Variants in EYS observed in about 807,000 individuals in gnomAD.
EYS encodes EGF-like photoreceptor maintenance factor, also known as protein eyes shut homolog.
EYS carries 250 observed loss-of-function variants against 282.1 expected under a neutral mutation model. That is an observed-to-expected ratio of 0.89 (90% CI 0.80 to 0.98). The LOEUF (loss-of-function observed/expected upper bound fraction) is 0.98. Among genes scored for constraint, EYS ranks in the 50% least tolerant of loss-of-function variants. EYS has a pLI of 0.00. For missense variants in EYS, 4,016 were observed against 3,709.0 expected, an observed-to-expected ratio of 1.08 and a Z score of -2.15; for synonymous variants, 1,355 against 1,282.9, an observed-to-expected ratio of 1.06 and a Z score of -1.20.
intron 22 of EYS, among the ~76,000 whole-genome samples, chr6:64,693,632 T>G (rs1262608656): frequency 6.6e-6 from 1 of 151,980 alleles, no homozygotes; most frequent in Non-Finnish European, 1.5e-5. Flanking sequence ...ATAGGTAAAA[T>G]TGAATTCAAA....
At chr6:63,963,965 G>A (rs556260745) in intron 35 of EYS, among the ~76,000 whole-genome samples, 2 of 152,194 alleles carry the variant, frequency 1.3e-5, no homozygotes, top group African/African-American at 2.4e-5. Context: ...GTAGGTGGCA[G>A]TAAGTTATTA....
At chr6:64,090,160 C>T (rs896890455) in intron 31 of EYS, among the ~76,000 whole-genome samples, 1 of 152,094 alleles carries the variant, frequency 6.6e-6, no homozygotes. Flanking sequence ...ATCAATATTT[C>T]TCATTGTACT....
chr6:65,264,796 A>T (rs1767707871), intron 12 of EYS, among the ~76,000 whole-genome samples: 1 of 151,876 alleles, frequency 6.6e-6, no homozygotes, highest in Non-Finnish European at 1.5e-5. Flanking sequence ...ATTACTAAAT[A>T]TAAAAAAATT....
intron 12 of EYS, among the ~76,000 whole-genome samples, chr6:65,268,975 C>A (rs1473827859): frequency 6.6e-6 from 1 of 151,838 alleles, no homozygotes; most frequent in African/African-American, 2.4e-5. Flanking sequence ...ACCTTAATTT[C>A]TCATATTACA....
intron 19 of EYS, among the ~76,000 whole-genome samples, chr6:64,843,344 C>T (rs796789477): frequency 1.2e-4 from 18 of 152,246 alleles, no homozygotes; most frequent in African/African-American, 3.6e-4. Context: ...ACAGCTTGCA[C>T]AGTAGACCTG....
chr6:64,642,047 T>G (rs543913436), intron 22 of EYS, among the ~76,000 whole-genome samples: 179 of 152,224 alleles, frequency 1.2e-3, no homozygotes, highest in African/African-American at 4.2e-3. Context: ...AAAAGAACAA[T>G]GTAGTTAGAC....
At chr6:64,823,296 T>C (rs1265683675) in intron 19 of EYS, among the ~76,000 whole-genome samples, 1 of 151,842 alleles carries the variant, frequency 6.6e-6, no homozygotes, top group Non-Finnish European at 1.5e-5. Context: ...ACCTGGGATT[T>C]TCAAAGGCCA....
At chr6:65,285,104 T>C (rs1204003980) in intron 12 of EYS, among the ~76,000 whole-genome samples, 1 of 152,034 alleles carries the variant, frequency 6.6e-6, no homozygotes, top group Non-Finnish European at 1.5e-5. Context: ...AAAGTGATTG[T>C]TGATACGTGG....
intron 31 of EYS, among the ~76,000 whole-genome samples, chr6:64,193,046 T>A (rs1765165649): frequency 6.6e-6 from 1 of 152,226 alleles, no homozygotes; most frequent in East Asian, 1.9e-4. Flanking sequence ...AATTAATTTC[T>A]GGAAACAAAA....
chr6:63,763,995 C>T (rs1769719865), intron 40 of EYS, among the ~76,000 whole-genome samples: 1 of 150,820 alleles, frequency 6.6e-6, no homozygotes, highest in African/African-American at 2.4e-5. Context: ...TTCTCCCTTT[C>T]TCCCTTTCTT....
chr6:63,951,431 A>G (rs930588102), intron 35 of EYS, among the ~76,000 whole-genome samples: 1 of 151,932 alleles, frequency 6.6e-6, no homozygotes, highest in Non-Finnish European at 1.5e-5. Flanking sequence ...TCTGTTCCCA[A>G]TGTGACTTGT....
At chr6:64,263,178 A>G (rs1394762811) in intron 30 of EYS, among the ~76,000 whole-genome samples, 1 of 152,044 alleles carries the variant, frequency 6.6e-6, no homozygotes, top group Admixed American at 6.6e-5. Context: ...TGCTCAATAA[A>G]TGTTAACTGT....
intron 31 of EYS, among the ~76,000 whole-genome samples, chr6:64,102,439 T>G (rs1772861328): frequency 6.6e-6 from 1 of 152,074 alleles, no homozygotes; most frequent in African/African-American, 2.4e-5. Context: ...AAAAATATCT[T>G]AAATGATAAT....
intron 24 of EYS, among the ~76,000 whole-genome samples, chr6:64,605,547 G>A (rs1019032661): frequency 6.6e-6 from 1 of 151,480 alleles, no homozygotes; most frequent in African/African-American, 2.4e-5. Context: ...AAAACTCTGT[G>A]GTCCTACTGT....
intron 36 of EYS, among the ~76,000 whole-genome samples, chr6:63,830,901 A>G (rs948227949): frequency 6.6e-6 from 1 of 152,240 alleles, no homozygotes; most frequent in Non-Finnish European, 1.5e-5. Flanking sequence ...GAGAGAGTGG[A>G]GGCCAGTATT....
At chr6:64,001,514 A>G (rs1768092218) in intron 33 of EYS, among the ~76,000 whole-genome samples, 1 of 152,146 alleles carries the variant, frequency 6.6e-6, no homozygotes, top group Non-Finnish European at 1.5e-5. Context: ...TATGCTTAGC[A>G]ATATTGGTGG....
intron 36 of EYS, among the ~76,000 whole-genome samples, chr6:63,827,044 C>T (rs895998174): frequency 6.6e-6 from 1 of 152,108 alleles, no homozygotes; most frequent in African/African-American, 2.4e-5. Flanking sequence ...TCACCTAACA[C>T]ATTAAGAACT....
chr6:65,508,700 A>G (rs1028190561), intron 2 of EYS, among the ~76,000 whole-genome samples: 2 of 151,734 alleles, frequency 1.3e-5, no homozygotes, highest in Admixed American at 6.6e-5. Context: ...GTTTCTTCTT[A>G]TATGAATTTC....
At chr6:65,628,808 A>T (rs1766811360) in intron 2 of EYS, among the ~76,000 whole-genome samples, 2 of 152,208 alleles carry the variant, frequency 1.3e-5, no homozygotes, top group Admixed American at 1.3e-4. Flanking sequence ...ACTCACCGCG[A>T]GGGTCCGCGG....
Sources: gnomAD v4.1 joint callset for allele counts (sites outside exome capture counted in the v4.1 genomes callset) on GRCh38, gnomAD v4.1.1 for gene constraint, MANE v1.5 for transcripts, NCBI Gene and HGNC (gene_info 2026-07-23, HGNC 2026-07-21) for gene names.